Variants in RBFOX3 observed in about 807,000 individuals in gnomAD.
RBFOX3 encodes RNA binding protein fox-1 homolog 3.
Under a neutral mutation model 48.7 loss-of-function variants are expected in RBFOX3, and 17 were observed. The observed-to-expected ratio is 0.35, with a 90% CI of 0.24 to 0.52. RBFOX3 has a LOEUF of 0.52. Ranked by LOEUF, RBFOX3 falls within the 20% of genes least tolerant of loss-of-function variation. RBFOX3 has a pLI of 0.94. For synonymous variants in RBFOX3, 212 were observed against 209.5 expected (o/e 1.01, Z -0.10); for missense variants, 382 against 497.5 (o/e 0.77, Z 2.21).
At chr17:79,619,109 C>T in the RBFOX3 span, among the ~76,000 whole-genome samples, 2 of 152,144 alleles carry the variant, frequency 1.3e-5, no homozygotes, top group African/African-American at 4.8e-5. Context: ...AGGCAGGGGA[C>T]GTGGCATCGT....
intron 2 of RBFOX3, among the ~76,000 whole-genome samples, chr17:79,383,954 G>A (rs59637564): frequency 0.05 from 7,607 of 152,264 alleles, 476 homozygotes; most frequent in African/African-American, 0.15. Flanking sequence ...ATCAGGGTAT[G>A]TGGGGGAAGG....
chr17:79,405,185 C>T (rs1016235355), intron 2 of RBFOX3, among the ~76,000 whole-genome samples: 1 of 152,268 alleles, frequency 6.6e-6, no homozygotes, highest in Admixed American at 6.5e-5. Context: ...TTGACGGTGA[C>T]GGCTGCACCC....
intron 2 of RBFOX3, among the ~76,000 whole-genome samples, chr17:79,405,215 G>C (rs2148484716): frequency 6.6e-6 from 1 of 152,188 alleles, no homozygotes; most frequent in African/African-American, 2.4e-5. Flanking sequence ...GATGCAACTG[G>C]GGCATTCTCC....
intron 1 of RBFOX3, among the ~76,000 whole-genome samples, chr17:79,607,280 C>G (rs1271907728): frequency 6.6e-6 from 1 of 151,982 alleles, no homozygotes; most frequent in Non-Finnish European, 1.5e-5. Context: ...TAAAAAATTC[C>G]TCACCAAATG....
intron 5 of RBFOX3, among the ~76,000 whole-genome samples, chr17:79,115,228 C>G (rs1378389793): frequency 6.6e-6 from 1 of 152,214 alleles, no homozygotes; most frequent in Non-Finnish European, 1.5e-5. Context: ...TGCCACCCCA[C>G]CCCTAGGTGC....
At chr17:79,663,520 C>T in the RBFOX3 span, among the ~76,000 whole-genome samples, 1 of 152,182 alleles carries the variant, frequency 6.6e-6, no homozygotes, top group South Asian at 2.1e-4. Flanking sequence ...CAGGGTGTTT[C>T]CCCCAGAGAA....
intron 2 of RBFOX3, among the ~76,000 whole-genome samples, chr17:79,317,117 CA>C (rs2077643673): frequency 6.6e-6 from 1 of 152,150 alleles, no homozygotes; most frequent in Non-Finnish European, 1.5e-5. Flanking sequence ...ACACTCCTCC[CA>C]TCTCCCCCAC....
intron 2 of RBFOX3, among the ~76,000 whole-genome samples, chr17:79,327,206 C>T (rs372055163): frequency 6.6e-6 from 1 of 152,204 alleles, no homozygotes; most frequent in African/African-American, 2.4e-5. Context: ...TCCCTTCCCT[C>T]GAATCACTAC....
intron 3 of RBFOX3, among the ~76,000 whole-genome samples, chr17:79,270,391 C>A (rs940477839): frequency 6.6e-6 from 1 of 152,168 alleles, no homozygotes. Flanking sequence ...TCCCTAAAAG[C>A]CTCTCCTCCT....
At position 79,221,600 on chromosome 17, in the gene RBFOX3, T is replaced by G. The variant is rs570481267; in HGVS notation, c.-34+14166A>C. Among the ~76,000 whole-genome samples, 8 of 152,344 alleles carry G rather than the reference T, an allele frequency of 5.3e-5. No individual in the cohort carries two copies. The South Asian group carries it at 1.7e-3, about 32-fold the overall frequency. ...GTCCCCCAACCCAACTGTGTCCAGC[T>G]GTGGTAAGGTGGGGTCCGGGCGAAT... On this transcript the variant is annotated intron_variant, in intron 4 of 14. Coordinates refer to ENST00000693108, the MANE Select transcript of RBFOX3 (RefSeq NM_001350451.2).
Position 79,180,127 on chromosome 17 carries a change from C to T in RBFOX3, c.-34+55639G>A, listed in dbSNP as rs78631755. 4.2e-3 allele frequency among the ~76,000 whole-genome samples: 636 copies of T among 152,298 alleles called. 2 individuals are homozygous for T. Among genetic ancestry groups the T allele is most frequent in the African/African-American group, 0.015 (614 of 41,564 alleles). Reference sequence around the variant, plus strand: ...GGTCGGAACTCAGAAATATCACCTCCGCTGCTGGGAGAGGGGCTGAGAAGA... The same window carrying T: ...GGTCGGAACTCAGAAATATCACCTCTGCTGCTGGGAGAGGGGCTGAGAAGA... On this transcript the variant is annotated intron_variant, in intron 4 of 14. Coordinates refer to ENST00000693108, the MANE Select transcript of RBFOX3 (RefSeq NM_001350451.2).
At chr17:79,469,749 G>A (rs1225114981) in intron 2 of RBFOX3, among the ~76,000 whole-genome samples, 1 of 152,188 alleles carries the variant, frequency 6.6e-6, no homozygotes, top group Non-Finnish European at 1.5e-5. Flanking sequence ...CTAGTTAAAT[G>A]TAATGGGGAG....
intron 4 of RBFOX3, among the ~76,000 whole-genome samples, chr17:79,170,080 G>A (rs1311386627): frequency 4.2e-5 from 6 of 144,208 alleles, no homozygotes; most frequent in South Asian, 4.8e-4. Flanking sequence ...GGAAACGGAG[G>A]AAGGAAGGAA....
chr17:79,244,387 G>A (rs985454663), intron 3 of RBFOX3, among the ~76,000 whole-genome samples: 1 of 152,130 alleles, frequency 6.6e-6, no homozygotes, highest in Non-Finnish European at 1.5e-5. Context: ...AGACCTCAAG[G>A]CTCCATCTCC....
At position 79,094,460 on chromosome 17, in the gene RBFOX3, A is replaced by G; in HGVS notation, c.1068T>C (p.Ile356=). ...HTIGPAATYS[I]GTM ...GGCCTGGGCTCCTTACCATGGTTCC[A>G]ATGCTGTAGGTCGCCGCGGGCCCGA... Residue 356 remains isoleucine, a synonymous_variant, in exon 14 of 15, where the codon ATT becomes ATC. Transcript: ENST00000693108. The G allele has an allele frequency of 1.3e-6, 2 of 1,489,364 alleles. No homozygotes were observed. Among genetic ancestry groups the G allele is most frequent in the Non-Finnish European group, 1.8e-6 (2 of 1,121,116 alleles). 92.3% of individuals were successfully genotyped at this position (1,489,364 alleles called of 1,614,324 possible). A position where few individuals can be genotyped will look rare whatever the true frequency, so the allele number is the denominator to read the frequency against.
At chr17:79,498,470 C>T (rs1261723513) in intron 1 of RBFOX3, among the ~76,000 whole-genome samples, 3 of 1,306 alleles carry the variant, frequency 2.3e-3, no homozygotes, top group African/African-American at 4.2e-3. Context: ...CCCATTCACT[C>T]ATCCATCCAT....
Position 79,411,102 on chromosome 17 carries a change from G to A in RBFOX3, c.-175+71352C>T, listed in dbSNP as rs115372714. 1.7e-3 allele frequency among the ~76,000 whole-genome samples: 262 copies of A among 152,310 alleles called. 2 individuals carry two copies. Among genetic ancestry groups the A allele is most frequent in the African/African-American group, 5.8e-3 (240 of 41,574 alleles). ...TAAAAACAGCAACAGGAACCACCTT[G>A]AGCACATTTTTTTCGTGCCCCGGCA... On this transcript the variant is annotated intron_variant, in intron 2 of 14. Coordinates refer to ENST00000693108, the MANE Select transcript of RBFOX3 (RefSeq NM_001350451.2).
chr17:79,344,648 A>G (rs1323123528), intron 2 of RBFOX3, among the ~76,000 whole-genome samples: 2 of 151,990 alleles, frequency 1.3e-5, no homozygotes, highest in Admixed American at 6.5e-5. Flanking sequence ...TCCACCTCCC[A>G]AGTTCAAGCG....
intron 2 of RBFOX3, among the ~76,000 whole-genome samples, chr17:79,478,033 TA>T (rs1424445987): frequency 6.6e-6 from 1 of 152,110 alleles, no homozygotes; most frequent in Non-Finnish European, 1.5e-5. Flanking sequence ...CTGGTATAAC[TA>T]AATGAAGCCA....
Sources: allele counts gnomAD v4.1 joint callset (sites outside exome capture counted in the v4.1 genomes callset), GRCh38; gene constraint gnomAD v4.1.1; transcripts MANE v1.5; gene names NCBI Gene and HGNC (gene_info 2026-07-23, HGNC 2026-07-21).